The following CAMK1D variants were observed in gnomAD, a reference collection of about 807,000 sequenced individuals.
CAMK1D encodes the protein calcium/calmodulin dependent protein kinase ID.
A neutral mutation model predicts 47.7 loss-of-function variants in CAMK1D; 9 were observed. The observed-to-expected ratio is 0.19, with a 90% confidence interval of 0.11 to 0.33. The LOEUF (loss-of-function observed/expected upper bound fraction) is 0.33, where lower values mean the gene tolerates loss of function less well. Ranked by LOEUF, CAMK1D falls within the 10% of genes least tolerant of loss-of-function variation. The probability of loss-of-function intolerance (pLI) is 1.00; values close to 1 mark genes in which losing one functional copy is unlikely to be tolerated. For missense variants in CAMK1D, 291 were observed against 488.7 expected (o/e 0.60, Z 3.81); for synonymous variants, 184 against 184.9 (o/e 0.99, Z 0.04).
intron 1 of CAMK1D, among the ~76,000 whole-genome samples, chr10:12,529,157 G>A (rs1318759848): frequency 1.3e-5 from 2 of 151,242 alleles, no homozygotes; most frequent in East Asian, 3.9e-4. Context: ...CACCCTCATC[G>A]TCATAGCTGC....
intron 6 of CAMK1D, among the ~76,000 whole-genome samples, chr10:12,793,490 T>C (rs1588935793): frequency 1.3e-5 from 2 of 152,218 alleles, no homozygotes; most frequent in Admixed American, 6.5e-5. Context: ...CTTAGTCAGA[T>C]CAGGCTGCTA....
intron 1 of CAMK1D, among the ~76,000 whole-genome samples, chr10:12,470,437 T>C (rs549881217): frequency 1.3e-5 from 2 of 152,306 alleles, no homozygotes; most frequent in South Asian, 2.1e-4. Flanking sequence ...GAGTGACATA[T>C]CTTGGGCATT....
intron 2 of CAMK1D, among the ~76,000 whole-genome samples, chr10:12,607,167 C>G (rs1365867963): frequency 6.6e-6 from 1 of 152,172 alleles, no homozygotes; most frequent in African/African-American, 2.4e-5. Context: ...TCTCTCTCGT[C>G]CATACGTGCA....
intron 3 of CAMK1D, among the ~76,000 whole-genome samples, chr10:12,728,061 C>T (rs541452948): frequency 1.3e-5 from 2 of 152,178 alleles, no homozygotes; most frequent in Non-Finnish European, 2.9e-5. Context: ...TCACAGCTCC[C>T]GGCCTTGATT....
chr10:12,813,673 G>A (rs1477180859), intron 6 of CAMK1D, among the ~76,000 whole-genome samples: 2 of 152,158 alleles, frequency 1.3e-5, no homozygotes, highest in African/African-American at 2.4e-5. Context: ...TTTTACTCCT[G>A]TGTCACCTAT....
At chr10:12,696,252 A>G (rs1016740431) in intron 3 of CAMK1D, among the ~76,000 whole-genome samples, 1 of 151,856 alleles carries the variant, frequency 6.6e-6, no homozygotes. Context: ...AAGTATTTCA[A>G]TTGGCCAGGC....
At chr10:12,678,913 C>G (rs1269987730) in intron 3 of CAMK1D, among the ~76,000 whole-genome samples, 1 of 152,080 alleles carries the variant, frequency 6.6e-6, no homozygotes, top group African/African-American at 2.4e-5. Context: ...CAAGCATGCA[C>G]CATCATGCCC....
chr10:12,661,182 A>G (rs1840264351), intron 2 of CAMK1D, among the ~76,000 whole-genome samples: 1 of 152,364 alleles, frequency 6.6e-6, no homozygotes, highest in African/African-American at 2.4e-5. Flanking sequence ...TAGATTCAAG[A>G]TAATTCAACA....
At chr10:12,784,567 T>A (rs899067258) in intron 5 of CAMK1D, among the ~76,000 whole-genome samples, 1 of 152,206 alleles carries the variant, frequency 6.6e-6, no homozygotes, top group Non-Finnish European at 1.5e-5. Flanking sequence ...TAGGGTGAAT[T>A]CTGCCTCTTT....
At chr10:12,352,700 A>G (rs1302313801) in intron 1 of CAMK1D, among the ~76,000 whole-genome samples, 1 of 151,816 alleles carries the variant, frequency 6.6e-6, no homozygotes, top group East Asian at 1.9e-4. Context: ...GAAGCATTTC[A>G]GAGCTTTTGG....
chr10:12,579,636 G>A (rs990904406), intron 2 of CAMK1D, among the ~76,000 whole-genome samples: 6 of 151,886 alleles, frequency 4.0e-5, no homozygotes, highest in Non-Finnish European at 8.8e-5. Flanking sequence ...CTTTTTCCCT[G>A]TACCCTTTTC....
chr10:12,436,122 A>G (rs773732180), intron 1 of CAMK1D, among the ~76,000 whole-genome samples: 1 of 152,134 alleles, frequency 6.6e-6, no homozygotes, highest in African/African-American at 2.4e-5. Context: ...CTGAGTGCCA[A>G]TGGCTTTCCG....
chr10:12,683,438 C>T (rs952509537), intron 3 of CAMK1D, among the ~76,000 whole-genome samples: 6 of 152,086 alleles, frequency 3.9e-5, no homozygotes, highest in Admixed American at 6.5e-5. Flanking sequence ...TTTATCAATT[C>T]ATAAATTAAA....
At chr10:12,434,007 A>G (rs776831223) in intron 1 of CAMK1D, among the ~76,000 whole-genome samples, 7 of 152,014 alleles carry the variant, frequency 4.6e-5, no homozygotes, top group Non-Finnish European at 7.4e-5. Flanking sequence ...GTCTTGCTCT[A>G]TTACCCAGGC....
chr10:12,601,190 TTTG>T (rs1375477580), intron 2 of CAMK1D, among the ~76,000 whole-genome samples: 662 of 19,468 alleles, frequency 0.034, 9 homozygotes, highest in Non-Finnish European at 0.18. Context: ...TTTTTGTTTG[TTTG>T]TTTTTTTTTT....
intron 3 of CAMK1D, among the ~76,000 whole-genome samples, chr10:12,748,322 A>C (rs1025648472): frequency 1.3e-5 from 2 of 152,186 alleles, no homozygotes; most frequent in African/African-American, 4.8e-5. Context: ...GACATTGAGA[A>C]CAAAGAAGGG....
chr10:12,484,087 A>G (rs1370422429), intron 1 of CAMK1D, among the ~76,000 whole-genome samples: 2 of 152,176 alleles, frequency 1.3e-5, no homozygotes, highest in Non-Finnish European at 2.9e-5. Flanking sequence ...GACTCGTAGA[A>G]GGCAGGCTTG....
chr10:12,576,503 C>T (rs79619886), intron 2 of CAMK1D, among the ~76,000 whole-genome samples: 6,999 of 152,108 alleles, frequency 0.046, 207 homozygotes, highest in East Asian at 0.11. Context: ...AATAATTCTA[C>T]AACTCACCAT....
intron 1 of CAMK1D, among the ~76,000 whole-genome samples, chr10:12,386,559 G>T (rs572158045): frequency 3.9e-5 from 6 of 152,018 alleles, no homozygotes; most frequent in Non-Finnish European, 5.9e-5. Context: ...CAGACTTTAA[G>T]TTGCGATGCA....
Sources: gnomAD v4.1 joint callset for allele counts (sites outside exome capture counted in the v4.1 genomes callset) on GRCh38, gnomAD v4.1.1 for gene constraint, MANE v1.5 for transcripts, NCBI Gene and HGNC (gene_info 2026-07-23, HGNC 2026-07-21) for gene names.